The following ZFP41 variants were observed in gnomAD, a reference collection of about 807,000 sequenced individuals.
The protein encoded by ZFP41 is zinc finger protein 41 homolog.
A neutral mutation model predicts 11.6 loss-of-function variants in ZFP41; 10 were observed. That is an observed-to-expected ratio of 0.86 (90% CI 0.53 to 1.47). ZFP41 has a LOEUF of 1.47. Ranked by LOEUF, ZFP41 falls within the 40% of genes most tolerant of loss-of-function variation. The pLI, the probability that ZFP41 is intolerant of heterozygous loss-of-function variation, is 0.00. For synonymous variants in ZFP41, 123 were observed against 100.9 expected (o/e 1.22, Z -1.31); for missense variants, 302 against 264.6 (o/e 1.14, Z -0.98).
chr8:143,249,878 C>G lies in ZFP41; in HGVS notation c.35C>G (p.Pro12Arg). 6.2e-7 allele frequency: 1 copy of G among 1,604,126 alleles called. No individual in the cohort carries two copies. The highest frequency in any genetic ancestry group is 1.4e-5 in the African/African-American group (1 of 73,924). The change falls in exon 2 of 3, where the codon CCG becomes CGG. Residue 12 changes from proline to arginine, a missense_variant. Transcript: ENST00000330701. ...CCTGCAGGCAGAAAAAAGAAGACGC[C>G]GACCCCAAGGGAGGAGGCAGACGTG... ...EKPAGRKKKTPTPREEADVQK... is the reference protein window; with the variant it reads ...EKPAGRKKKTRTPREEADVQK...
intron 2 of ZFP41, among the ~76,000 whole-genome samples, chr8:143,258,415 GCC>G (rs1814961423): frequency 6.6e-6 from 1 of 152,176 alleles, no homozygotes; most frequent in Admixed American, 6.5e-5. Flanking sequence ...AGATGGCAGA[GCC>G]ACACACCAAG....
At chr8:143,254,398 C>T (rs1163142376) in intron 2 of ZFP41, among the ~76,000 whole-genome samples, 1 of 152,156 alleles carries the variant, frequency 6.6e-6, no homozygotes, top group Non-Finnish European at 1.5e-5. Context: ...CGTCAGGAGT[C>T]AGGAACTCGG....
chr8:143,252,238 CT>C (rs1364918647), intron 2 of ZFP41, among the ~76,000 whole-genome samples: 2 of 152,258 alleles, frequency 1.3e-5, no homozygotes, highest in Non-Finnish European at 2.9e-5. Flanking sequence ...CCGTCACCTG[CT>C]CACACTGGGT....
chr8:143,253,441 G>A (rs534039264), intron 2 of ZFP41: 44 of 152,356 alleles, frequency 2.9e-4, no homozygotes, highest in African/African-American at 9.6e-4. Context: ...CACCCACGGG[G>A]GACCACAGAA....
At chr8:143,255,415 TCAG>T (rs909950268) in intron 2 of ZFP41, among the ~76,000 whole-genome samples, 2 of 152,022 alleles carry the variant, frequency 1.3e-5, no homozygotes, top group Non-Finnish European at 2.9e-5. Flanking sequence ...GTTAGTGAGA[TCAG>T]AGCTCGCCCC....
In ZFP41 at chr8:143,250,704, T is replaced by G. The variant is rs918277769; in HGVS notation, c.*264T>G. On this transcript the variant is annotated 3_prime_UTR_variant, in exon 2 of 3. Transcript: ENST00000330701. Reference sequence around the variant, plus strand: ...AGGCTCCTTGCAGCCACAGAGCATTTTCCAAGTTCCCGATGGCGAACGGGG... The same window carrying G: ...AGGCTCCTTGCAGCCACAGAGCATTGTCCAAGTTCCCGATGGCGAACGGGG... The G allele has an allele frequency of 5.2e-5, 29 of 558,558 alleles. No individual in the cohort carries two copies. The highest frequency in any genetic ancestry group is 7.7e-5 in the Non-Finnish European group (24 of 312,798). 34.6% of individuals were successfully genotyped at this position (558,558 alleles called of 1,614,324 possible).
chr8:143,262,578 G>C lies in ZFP41; in HGVS notation c.*3704G>C, dbSNP rs1270985459. 1.3e-5 allele frequency: 2 copies of C among 152,306 alleles called. No homozygotes were observed. The highest frequency in any genetic ancestry group is 2.9e-5 in the Non-Finnish European group (2 of 68,076). 9.4% of individuals were successfully genotyped at this position (152,306 alleles called of 1,614,324 possible). On this transcript the variant is annotated 3_prime_UTR_variant, in exon 3 of 3. Coordinates refer to ENST00000330701, the MANE Select transcript of ZFP41 (RefSeq NM_173832.6). ...GCGCTTTCTGTGACTTGCTCTGCGT[G>C]AGTCCTCGGTCCACGTGGGCCGTTG...
intron 1 of ZFP41, among the ~76,000 whole-genome samples, chr8:143,248,770 G>T (rs1041749371): frequency 2.0e-5 from 3 of 152,096 alleles, no homozygotes; most frequent in Admixed American, 6.5e-5. Flanking sequence ...TTCAGTTCTG[G>T]CGCCCACCTG....
At position 143,250,572 on chromosome 8, in the gene ZFP41, C is replaced by A. The variant is rs142754472; in HGVS notation, c.*132C>A. The A allele has an allele frequency of 2.1e-6, 3 of 1,434,160 alleles. No homozygotes were observed. The highest frequency in any genetic ancestry group is 1.4e-5 in the African/African-American group (1 of 69,616). 88.8% of individuals were successfully genotyped at this position (1,434,160 alleles called of 1,614,324 possible). ...CTGTGTTCCGTGCCCTGGGGACCCC[C>A]GGAAAAGCAGCCCAGTCAGATGTGG... is the stretch of plus-strand genomic sequence containing the variant. On this transcript the variant is annotated 3_prime_UTR_variant, in exon 2 of 3. Coordinates refer to ENST00000330701, the MANE Select transcript of ZFP41 (RefSeq NM_173832.6).
chr8:143,250,114 G>A lies in ZFP41; in HGVS notation c.271G>A (p.Glu91Lys). ...GAGGAAGAAACCCTATGAGTGCAGT[G>A]AGTGTGGGCGGATCTTTAAGCACAA... Reference protein sequence around the residue: ...FQRKKPYECSECGRIFKHKTD... With the variant: ...FQRKKPYECSKCGRIFKHKTD... The change falls in exon 2 of 3, where the codon GAG becomes AAG. Residue 91 changes from glutamate to lysine, a missense_variant. Physicochemically the swap from Glu to Lys is moderately conservative, Grantham distance 56 (BLOSUM62 1). Transcript: ENST00000330701. 1 of 1,614,202 alleles carries A rather than the reference G, an allele frequency of 6.2e-7. No homozygotes were observed. Among genetic ancestry groups the A allele is most frequent in the Non-Finnish European group, 8.5e-7 (1 of 1,180,050 alleles).
intron 2 of ZFP41, among the ~76,000 whole-genome samples, chr8:143,258,970 G>A (rs896802175): frequency 6.6e-5 from 10 of 152,234 alleles, no homozygotes; most frequent in Admixed American, 3.9e-4. Flanking sequence ...TGGCAAAGGC[G>A]AAGATGTGCG....
intron 2 of ZFP41, among the ~76,000 whole-genome samples, chr8:143,257,621 T>C (rs1814941681): frequency 6.6e-6 from 1 of 152,118 alleles, no homozygotes; most frequent in African/African-American, 2.4e-5. Context: ...AAAATTGACA[T>C]CCTCTGGCAA....
At chr8:143,255,349 G>A (rs1354595637) in intron 2 of ZFP41, among the ~76,000 whole-genome samples, 2 of 152,252 alleles carry the variant, frequency 1.3e-5, no homozygotes, top group Non-Finnish European at 2.9e-5. Flanking sequence ...GACGTCGTAA[G>A]CACACTGCTG....
At position 143,260,767 on chromosome 8, in the gene ZFP41, G is replaced by A; in HGVS notation, c.*1893G>A. Reference sequence around the variant, plus strand: ...CTGACCCAGAGGGCTGCCCTGACCAGCGGGCACCATCCTCCCAGCCCCACT... The same window carrying A: ...CTGACCCAGAGGGCTGCCCTGACCAACGGGCACCATCCTCCCAGCCCCACT... On this transcript the variant is annotated 3_prime_UTR_variant, in exon 3 of 3. Coordinates refer to ENST00000330701, the MANE Select transcript of ZFP41 (RefSeq NM_173832.6). 5.5e-6 allele frequency: 1 copy of A among 181,086 alleles called. No individual in the cohort carries two copies. The highest frequency in any genetic ancestry group is 1.2e-5 in the Non-Finnish European group (1 of 85,052). 11.2% of individuals were successfully genotyped at this position (181,086 alleles called of 1,614,324 possible).
chr8:143,249,581 T>C, intron 1 of ZFP41, 109 bp from the exon 2 acceptor site: 1 of 409,710 alleles, frequency 2.4e-6, no homozygotes, highest in Non-Finnish European at 4.3e-6. Context: ...GCAATGCCGT[T>C]TGAGACACTC....
chr8:143,256,266 C>G (rs1467275996), intron 2 of ZFP41, among the ~76,000 whole-genome samples: 489 of 20,396 alleles, frequency 0.024, no homozygotes, highest in Admixed American at 0.036. Context: ...AGTGAGATCA[C>G]GGCTCGCCCC....
intron 2 of ZFP41, chr8:143,252,728 C>T: frequency 1.3e-6 from 1 of 750,340 alleles, no homozygotes; most frequent in Non-Finnish European, 1.6e-6. Flanking sequence ...GCTGGGGAGG[C>T]CAGTCTTCCC....
In ZFP41 at chr8:143,251,371, G is replaced by C. The variant is rs556562186; in HGVS notation, c.*900+31G>C. ...TTCTACTTCTTCATGCCTGTACCCA[G>C]TCCTGTCCCACCCAGTGGCAGGTCC... On this transcript the variant is annotated intron_variant, in intron 2 of 2. Transcript: ENST00000330701. The C allele has an allele frequency of 2.1e-3, 333 of 157,496 alleles. 1 individual carries two copies. The highest frequency in any genetic ancestry group is 3.4e-3 in the Middle Eastern group (1 of 294). 9.8% of individuals were successfully genotyped at this position (157,496 alleles called of 1,614,324 possible).
chr8:143,261,927 G>A lies in ZFP41; in HGVS notation c.*3053G>A, dbSNP rs1460592006. On this transcript the variant is annotated 3_prime_UTR_variant, in exon 3 of 3. Transcript: ENST00000330701. ...GCCCGTCTCCGGCAGCACCTGCCACGCCCGTCTCCGGCAGCACCTGCCACG... is the reference window on the plus strand; with the variant it reads ...GCCCGTCTCCGGCAGCACCTGCCACACCCGTCTCCGGCAGCACCTGCCACG... The A allele has an allele frequency of 2.4e-3, 175 of 72,936 alleles. 13 individuals carry two copies. The highest frequency in any genetic ancestry group is 0.01 in the African/African-American group (155 of 15,404). The allele number at this position is 72,936 out of a possible 1,614,324, so 4.5% of individuals were successfully genotyped here.
Sources: gnomAD v4.1 joint callset for allele counts (sites outside exome capture counted in the v4.1 genomes callset) on GRCh38, gnomAD v4.1.1 for gene constraint, MANE v1.5 for transcripts, NCBI Gene and HGNC (gene_info 2026-07-23, HGNC 2026-07-21) for gene names.